NOSIP: variants seen among roughly 807,000 people sequenced by gnomAD.
NOSIP encodes the protein nitric oxide synthase-interacting protein.
A neutral mutation model predicts 36.4 loss-of-function variants in NOSIP; 25 were observed. The observed-to-expected ratio is 0.69, with a 90% CI of 0.50 to 0.96. The LOEUF is 0.96. Among genes scored for constraint, NOSIP ranks in the 40% least tolerant of loss-of-function variants. NOSIP has a pLI of 0.00. For synonymous variants in NOSIP, 187 were observed against 179.2 expected (o/e 1.04, Z -0.35); for missense variants, 370 against 429.0 (o/e 0.86, Z 1.21).
At chr19:49,568,827 A>C (rs965451549) in intron 1 of NOSIP, among the ~76,000 whole-genome samples, 5 of 142,238 alleles carry the variant, frequency 3.5e-5, no homozygotes, top group African/African-American at 1.4e-4. Flanking sequence ...TTTTTGAGAC[A>C]GAGTCTTGCT....
At chr19:49,558,629 G>A in intron 4 of NOSIP, 1 of 450,182 alleles carries the variant, frequency 2.2e-6, no homozygotes. Flanking sequence ...GGGAAAGTGG[G>A]CATGTGTCAG....
At position 49,565,186 on chromosome 19, in the gene NOSIP, C is replaced by G. The variant is rs188639582; in HGVS notation, c.-1-4494G>C. 2.1e-3 allele frequency among the ~76,000 whole-genome samples: 324 copies of G among 151,882 alleles called. 5 individuals are homozygous for G. The highest frequency in any genetic ancestry group is 7.4e-3 in the African/African-American group (305 of 41,422). On this transcript the variant is annotated intron_variant, in intron 1 of 8. Coordinates refer to ENST00000596358, the MANE Select transcript of NOSIP (RefSeq NM_001270960.2). The stretch of plus-strand genomic sequence containing the variant: ...AGCTACTTGGGAGTCTGAGATGGAT[C>G]ACCTGAGCCCAGGGAGGTCAAGGCT...
intron 1 of NOSIP, among the ~76,000 whole-genome samples, chr19:49,571,938 T>C (rs2080489388): frequency 1.6e-5 from 2 of 125,668 alleles, no homozygotes; most frequent in Non-Finnish European, 3.1e-5. Context: ...TGAGCCCAGA[T>C]CGCACCACTG....
rs958721605 is a variant in NOSIP, at chr19:49,556,611, G to C, written c.663C>G (p.Tyr221Ter). ...RVGLITRSER[Y>*]VCAVTRDSLS... ...GGCTGTCGCGGGTCACGGCACACAC[G>C]TAGCGCTCGCTGCGGGTGATGAGCC... The change falls in exon 7 of 9, where the codon TAC (tyrosine) becomes TAG (stop). Residue 221 changes from tyrosine (Y) to a stop codon, truncating the protein, a stop_gained. Transcript: ENST00000596358. LOFTEE classifies it high-confidence loss of function. 1.2e-5 allele frequency: 20 copies of C among 1,607,622 alleles called. No individual in the cohort carries two copies. The highest frequency in any genetic ancestry group is 1.5e-5 in the Non-Finnish European group (18 of 1,179,756).
rs781321147 is a variant in NOSIP, at chr19:49,556,329, G to A, written c.822C>T (p.Ile274=). The A allele has an allele frequency of 7.4e-6, 12 of 1,612,094 alleles. No homozygotes were observed. The highest frequency in any genetic ancestry group is 1.7e-5 in the Admixed American group (1 of 59,854). Reference sequence around the variant, plus strand: ...GTGGGACTCTTACCCGCTGCAGCACGATGATGTCGCGGTCTGTGAGTTTGT... The same window carrying A: ...GTGGGACTCTTACCCGCTGCAGCACAATGATGTCGCGGTCTGTGAGTTTGT... ...TGDKLTDRDI[I]VLQRGGTGFA... The change falls in exon 8 of 9, where the codon ATC becomes ATT. Residue 274 remains isoleucine, a synonymous_variant. Transcript: ENST00000596358.
chr19:49,557,492 G>A, intron 4 of NOSIP: 1 of 1,325,842 alleles, frequency 7.5e-7, no homozygotes, highest in Non-Finnish European at 9.7e-7. Context: ...ACCTCTCCTG[G>A]CCTCAGTTTC....
chr19:49,558,672 T>C, intron 4 of NOSIP: 1 of 592,654 alleles, frequency 1.7e-6, no homozygotes, highest in South Asian at 2.0e-5. Context: ...CTATGCTAAG[T>C]GCTAAGAGAA....
At chr19:49,565,770 A>AAAAGG (rs1555734910) in intron 1 of NOSIP, among the ~76,000 whole-genome samples, 12,106 of 111,760 alleles carry the variant, frequency 0.11, 1,669 homozygotes, top group African/African-American at 0.39. Flanking sequence ...AAGAAAAAAA[A>AAAAGG]AAGAAAGAAA....
At chr19:49,566,604 CTTTTAAGATAAA>C (rs1863714805) in intron 1 of NOSIP, 1 of 151,952 alleles carries the variant, frequency 6.6e-6, no homozygotes, top group African/African-American at 2.4e-5. Flanking sequence ...CCCAACCCTG[CTTTTAAGATAAA>C]TTTTAAAAGT....
At position 49,560,810 on chromosome 19, in the gene NOSIP, G is replaced by C. The variant is rs1228037991; in HGVS notation, c.-1-118C>G. 17 of 785,748 alleles carry C rather than the reference G, an allele frequency of 2.2e-5. No individual in the cohort carries two copies. Among genetic ancestry groups the C allele is most frequent in the Admixed American group, 2.1e-5 (1 of 47,660 alleles). 48.7% of individuals were successfully genotyped at this position (785,748 alleles called of 1,614,324 possible). On this transcript the variant is annotated intron_variant, in intron 1 of 8. Transcript: ENST00000596358. The surrounding 1 kb of genome is among the most constrained non-coding windows in gnomAD (Gnocchi z 4.6). ...TTGATGGGAAAGCGGAGGCGGAGAA[G>C]GGGGGTGAGGTGGAAGAGAGGGAGG... is the stretch of plus-strand genomic sequence containing the variant.
intron 1 of NOSIP, among the ~76,000 whole-genome samples, chr19:49,568,959 C>T (rs1323221729): frequency 7.3e-5 from 11 of 151,380 alleles, no homozygotes; most frequent in African/African-American, 2.7e-4. Flanking sequence ...TGCACCACCA[C>T]GCCTGGCTAA....
intron 1 of NOSIP, among the ~76,000 whole-genome samples, chr19:49,578,683 G>C (rs1360727096): frequency 6.7e-6 from 1 of 149,610 alleles, no homozygotes; most frequent in Admixed American, 6.7e-5. Flanking sequence ...GTCTCACTCT[G>C]TCGCCCAGGC....
chr19:49,579,654 G>A (rs114856668), intron 1 of NOSIP, among the ~76,000 whole-genome samples: 1 of 152,130 alleles, frequency 6.6e-6, no homozygotes. Flanking sequence ...TCCATAATTA[G>A]ATGTTGTTTG....
At chr19:49,559,345 CCT>C (rs929650244) in intron 3 of NOSIP, 6 of 208,864 alleles carry the variant, frequency 2.9e-5, no homozygotes, top group African/African-American at 1.3e-4. Flanking sequence ...AGTGAGCTCC[CCT>C]CTCTACAAAA....
chr19:49,572,439 C>T (rs2080497812), intron 1 of NOSIP, among the ~76,000 whole-genome samples: 1 of 118,162 alleles, frequency 8.5e-6, no homozygotes, highest in Non-Finnish European at 1.6e-5. Flanking sequence ...GAGACAGAGT[C>T]TCGCTCTGTT....
In NOSIP at chr19:49,559,897, C is replaced by T. The variant is rs765015778; in HGVS notation, c.176+37G>A. 7.9e-6 allele frequency: 12 copies of T among 1,515,696 alleles called. 1 individual carries two copies. Among genetic ancestry groups the T allele is most frequent in the Middle Eastern group, 1.7e-4 (1 of 5,918 alleles). 93.9% of individuals were successfully genotyped at this position (1,515,696 alleles called of 1,614,324 possible). The stretch of plus-strand genomic sequence containing the variant: ...CTCCTCCTGGCGGTTCCCTTGCTCT[C>T]CCCACCCAGACCTACCCATCCCTGT... On this transcript the variant is annotated intron_variant, in intron 3 of 8. Transcript: ENST00000596358.
chr19:49,566,794 C>CATATATATATACATAT (rs2080414016), intron 1 of NOSIP: 1 of 142,956 alleles, frequency 7.0e-6, no homozygotes, highest in African/African-American at 2.7e-5. Context: ...CATATACATA[C>CATATATATATACATAT]ATATATATAT....
rs1444763551 is a variant in NOSIP at position 49,557,243 on chromosome 19, C to A, written c.265G>T (p.Glu89Ter). 3.8e-6 allele frequency: 6 copies of A among 1,582,474 alleles called. No homozygotes were observed. The highest frequency in any genetic ancestry group is 4.3e-6 in the Non-Finnish European group (5 of 1,165,404). Residue 89 changes from glutamate to a stop codon, truncating the protein, a stop_gained, in exon 5 of 9, where the codon GAG becomes TAG. Coordinates refer to ENST00000596358, the MANE Select transcript of NOSIP (RefSeq NM_001270960.2). LOFTEE classifies it high-confidence loss of function. ...KEIARQMKAYEKQRGTRREEQ... is the reference protein window; with the variant it reads ...KEIARQMKAY The stretch of plus-strand genomic sequence containing the variant: ...TCGCGCCGGGTGCCCCGCTGCTTCT[C>A]GTAGGCCTGCGTCGGGGAAAGTGGG...
chr19:49,560,796 G>A lies in NOSIP; in HGVS notation c.-1-104C>T. 1.1e-6 allele frequency: 1 copy of A among 877,222 alleles called. No homozygotes were observed. The highest frequency in any genetic ancestry group is 1.8e-6 in the Non-Finnish European group (1 of 545,736). The allele number at this position is 877,222 out of a possible 1,614,324, so 54.3% of individuals were successfully genotyped here. A position where few individuals can be genotyped will look rare whatever the true frequency, so the allele number is the denominator to read the frequency against. ...CTGATCTGCCCCCCTTGATGGGAAA[G>A]CGGAGGCGGAGAAGGGGGGTGAGGT... On this transcript the variant is annotated intron_variant, in intron 1 of 8. Transcript: ENST00000596358. The surrounding 1 kb of genome is among the most constrained non-coding windows in gnomAD (Gnocchi z 4.6).
Sources: allele counts gnomAD v4.1 joint callset (sites outside exome capture counted in the v4.1 genomes callset), GRCh38; gene constraint gnomAD v4.1.1; non-coding constraint Gnocchi (gnomAD v3.1); transcripts MANE v1.5; gene names NCBI Gene and HGNC (gene_info 2026-07-23, HGNC 2026-07-21).